WWOX: variants seen among roughly 807,000 people sequenced by gnomAD.
The protein encoded by WWOX is WW domain-containing oxidoreductase.
WWOX carries 69 observed loss-of-function variants against 46.2 expected under a neutral mutation model. The ratio of observed to expected loss-of-function variants is 1.49; its 90% CI spans 1.23 to 1.82. The LOEUF is 1.82. Ranked by LOEUF, WWOX falls within the 40% of genes most tolerant of loss-of-function variation. The pLI is 0.00. For missense variants in WWOX, 919 were observed against 542.6 expected, an observed-to-expected ratio of 1.69 and a Z score of -6.89; for synonymous variants, 359 against 202.6, an observed-to-expected ratio of 1.77 and a Z score of -6.56.
chr16:78,389,904 C>T lies in WWOX; in HGVS notation c.605+2956C>T, dbSNP rs547153896. ...AGCTGGGATTACAGGTGCAGGTTAC[C>T]ACACACAGCTAATTTTTGTATTTTC... On this transcript the variant is annotated intron_variant, in intron 6 of 8. Transcript: ENST00000566780. Among the ~76,000 whole-genome samples the T allele has an allele frequency of 1.4e-4, 21 of 152,222 alleles. 1 individual carries two copies. In the East Asian group the frequency reaches 3.9e-3, roughly 28 times the overall value.
chr16:78,378,531 A>G (rs1248269917), intron 5 of WWOX, among the ~76,000 whole-genome samples: 1 of 152,232 alleles, frequency 6.6e-6, no homozygotes, highest in Non-Finnish European at 1.5e-5. Flanking sequence ...GAAGTCCCAC[A>G]TATGATATTG....
intron 8 of WWOX, among the ~76,000 whole-genome samples, chr16:78,544,203 G>GAAATAGAGAACTGAC (rs2043966838): frequency 6.6e-6 from 1 of 152,114 alleles, no homozygotes; most frequent in Non-Finnish European, 1.5e-5. Flanking sequence ...ATTTTGGTAG[G>GAAATAGAGAACTGAC]AAATAGAGAA....
chr16:78,458,453 G>A (rs1427573689), intron 8 of WWOX, among the ~76,000 whole-genome samples: 1 of 151,752 alleles, frequency 6.6e-6, no homozygotes, highest in Non-Finnish European at 1.5e-5. Context: ...TAGAGACAAG[G>A]TTTCCCTATG....
intron 8 of WWOX, among the ~76,000 whole-genome samples, chr16:78,939,895 C>G (rs916326500): frequency 6.6e-6 from 1 of 152,194 alleles, no homozygotes; most frequent in African/African-American, 2.4e-5. Flanking sequence ...TTTGTACATG[C>G]TTTTGCTCAA....
At chr16:78,407,602 T>C (rs1349471674) in intron 6 of WWOX, among the ~76,000 whole-genome samples, 1 of 152,180 alleles carries the variant, frequency 6.6e-6, no homozygotes, top group East Asian at 1.9e-4. Context: ...TTTGAAATGA[T>C]ATGTCTCATT....
intron 5 of WWOX, among the ~76,000 whole-genome samples, chr16:78,211,330 C>T (rs1266931378): frequency 6.6e-6 from 1 of 152,156 alleles, no homozygotes; most frequent in Non-Finnish European, 1.5e-5. Flanking sequence ...TTGAAGAGCT[C>T]TTTTCATTCA....
At chr16:78,536,909 T>TC (rs1166484219) in intron 8 of WWOX, among the ~76,000 whole-genome samples, 2 of 151,566 alleles carry the variant, frequency 1.3e-5, no homozygotes, top group African/African-American at 2.4e-5. Flanking sequence ...GTCTTTTTTT[T>TC]TTTTTTTTTT....
chr16:78,728,055 CTTTTTT>C (rs758484198), intron 8 of WWOX, among the ~76,000 whole-genome samples: 7 of 86,782 alleles, frequency 8.1e-5, no homozygotes, highest in Admixed American at 2.7e-4. Context: ...TCCCTCCTTC[CTTTTTT>C]TTTTTTTTTT....
At chr16:79,187,768 C>T (rs899988307) in intron 8 of WWOX, among the ~76,000 whole-genome samples, 7 of 152,224 alleles carry the variant, frequency 4.6e-5, no homozygotes, top group Non-Finnish European at 8.8e-5. Flanking sequence ...TCTCGAACTC[C>T]TGGGCTCAAG....
chr16:78,895,786 C>A (rs1449261744), intron 8 of WWOX: 2 of 152,170 alleles, frequency 1.3e-5, no homozygotes, highest in Non-Finnish European at 2.9e-5. Context: ...CTAACAAAAA[C>A]AAGTTTTCTT....
chr16:78,709,005 G>C (rs543505639), intron 8 of WWOX, among the ~76,000 whole-genome samples: 125 of 152,212 alleles, frequency 8.2e-4, no homozygotes, highest in African/African-American at 3.0e-3. Context: ...ATTTTATCAG[G>C]CTCATAAACT....
chr16:78,684,873 C>T (rs2047818933), intron 8 of WWOX, among the ~76,000 whole-genome samples: 1 of 152,144 alleles, frequency 6.6e-6, no homozygotes, highest in Non-Finnish European at 1.5e-5. Context: ...TTCATCACTC[C>T]TTTTATAGTC....
chr16:78,783,251 A>G (rs59231529), intron 8 of WWOX, among the ~76,000 whole-genome samples: 25,485 of 152,180 alleles, frequency 0.17, 2,492 homozygotes, highest in East Asian at 0.4. Context: ...AGACATTTAG[A>G]TTTCAACAGG....
At chr16:78,757,241 G>C (rs988215494) in intron 8 of WWOX, among the ~76,000 whole-genome samples, 1 of 152,140 alleles carries the variant, frequency 6.6e-6, no homozygotes, top group African/African-American at 2.4e-5. Context: ...TACAACAGTG[G>C]ATAACTGCCC....
Position 78,640,078 on chromosome 16 carries a change from G to T in WWOX, c.1056+207326G>T, listed in dbSNP as rs550222332. On this transcript the variant is annotated intron_variant, in intron 8 of 8. Coordinates refer to ENST00000566780, the MANE Select transcript of WWOX (RefSeq NM_016373.4). ...GGCAGATTCATTTTCTTTAAATGAG[G>T]GGTTCAAAATAGAAACACAAAGCAT... Among the ~76,000 whole-genome samples the T allele has an allele frequency of 3.3e-5, 5 of 152,190 alleles. No homozygotes were observed. In the East Asian group the frequency reaches 7.7e-4, roughly 24 times the overall value.
intron 8 of WWOX, among the ~76,000 whole-genome samples, chr16:78,499,573 C>T (rs1337969481): frequency 2.0e-5 from 3 of 152,238 alleles, no homozygotes; most frequent in African/African-American, 7.2e-5. Flanking sequence ...GGACGGGCTT[C>T]CTGCCTCCTG....
At chr16:78,191,916 A>G (rs1213632762) in intron 5 of WWOX, among the ~76,000 whole-genome samples, 2 of 152,238 alleles carry the variant, frequency 1.3e-5, no homozygotes, top group Non-Finnish European at 2.9e-5. Flanking sequence ...TATTTTCATT[A>G]CATTGAAAGT....
At chr16:78,111,546 G>A (rs1335167749) in intron 3 of WWOX, among the ~76,000 whole-genome samples, 7 of 152,162 alleles carry the variant, frequency 4.6e-5, no homozygotes, top group African/African-American at 1.7e-4. Flanking sequence ...GAAGACACCC[G>A]TTACTTAGCA....
At chr16:78,296,514 ATAT>A (rs921260099) in intron 5 of WWOX, among the ~76,000 whole-genome samples, 5 of 150,474 alleles carry the variant, frequency 3.3e-5, no homozygotes, top group Admixed American at 6.6e-5. Context: ...ATATGTATAT[ATAT>A]TATTATTATT....
Sources: allele counts gnomAD v4.1 joint callset (sites outside exome capture counted in the v4.1 genomes callset), GRCh38; gene constraint gnomAD v4.1.1; transcripts MANE v1.5; gene names NCBI Gene and HGNC (gene_info 2026-07-23, HGNC 2026-07-21).